The following TNFRSF8 variants were observed in gnomAD, a reference collection of about 807,000 sequenced individuals.
TNFRSF8 encodes the protein tumor necrosis factor receptor superfamily member 8.
TNFRSF8 carries 26 observed loss-of-function variants against 70.8 expected under a neutral mutation model. The ratio of observed to expected loss-of-function variants is 0.37; its 90% CI spans 0.27 to 0.51. The LOEUF (loss-of-function observed/expected upper bound fraction) is 0.51, where lower values mean the gene tolerates loss of function less well. Among genes scored for constraint, TNFRSF8 ranks in the 20% least tolerant of loss-of-function variants. The probability of loss-of-function intolerance (pLI) is 0.94; values close to 1 mark genes in which losing one functional copy is unlikely to be tolerated. For synonymous variants in TNFRSF8, 356 were observed against 339.2 expected (o/e 1.05, Z -0.54); for missense variants, 720 against 807.9 (o/e 0.89, Z 1.32).
intron 1 of TNFRSF8, chr1:12,080,176 T>C (rs1641039401): frequency 2.2e-6 from 1 of 463,780 alleles, no homozygotes; most frequent in Non-Finnish European, 4.3e-6. Context: ...CTTGAACTCC[T>C]GACCTCAGGT....
At chr1:12,085,352 C>T (rs1641136788) in intron 2 of TNFRSF8, among the ~76,000 whole-genome samples, 1 of 152,158 alleles carries the variant, frequency 6.6e-6, no homozygotes. Context: ...TCAGGTGATC[C>T]ACCCGCCTCA....
intron 1 of TNFRSF8, among the ~76,000 whole-genome samples, chr1:12,074,145 G>A (rs181418248): frequency 6.6e-6 from 1 of 152,130 alleles, no homozygotes; most frequent in African/African-American, 2.4e-5. Context: ...TGCTAAATTC[G>A]GACTCAAGGC....
chr1:12,123,985 GT>G (rs779622877), intron 10 of TNFRSF8, among the ~76,000 whole-genome samples, 158 bp downstream of exon 10: 27 of 152,310 alleles, frequency 1.8e-4, no homozygotes, highest in Non-Finnish European at 3.2e-4. Flanking sequence ...AGTTGGTGCT[GT>G]GGCTCTGGCA....
intron 10 of TNFRSF8, 23 bp from the exon 11 acceptor site, chr1:12,125,928 T>C: frequency 9.4e-6 from 15 of 1,600,086 alleles, no homozygotes; most frequent in Non-Finnish European, 1.2e-5. Context: ...AGGCAAAGAG[T>C]GTGGGGCGTC....
At chr1:12,106,699 G>A (rs867536499) in intron 4 of TNFRSF8, among the ~76,000 whole-genome samples, 1 of 152,102 alleles carries the variant, frequency 6.6e-6, no homozygotes, top group Non-Finnish European at 1.5e-5. Flanking sequence ...GCTCTGCTAA[G>A]GAATGATGGA....
chr1:12,067,895 C>CG (rs1310915654), intron 1 of TNFRSF8, among the ~76,000 whole-genome samples: 2,786 of 12,078 alleles, frequency 0.23, 119 homozygotes, highest in African/African-American at 0.42. Context: ...GCAAGGACGG[C>CG]GGGGGGGCGG....
chr1:12,091,744 G>A (rs1370701889), intron 2 of TNFRSF8, among the ~76,000 whole-genome samples: 4 of 152,160 alleles, frequency 2.6e-5, no homozygotes, highest in Non-Finnish European at 5.9e-5. Context: ...TAAACCAGTG[G>A]TCCCCAACCT....
chr1:12,114,077 G>A (rs369715957), intron 7 of TNFRSF8, among the ~76,000 whole-genome samples: 1 of 152,118 alleles, frequency 6.6e-6, no homozygotes, highest in Non-Finnish European at 1.5e-5. Flanking sequence ...GAAACCCCAC[G>A]AGGCAGTGGA....
At position 12,138,264 on chromosome 1, in the gene TNFRSF8, C is replaced by G; in HGVS notation, c.1371C>G (p.Val457=). 6.2e-7 allele frequency: 1 copy of G among 1,613,506 alleles called. No homozygotes were observed. Among genetic ancestry groups the G allele is most frequent in the South Asian group, 1.1e-5 (1 of 91,066 alleles). ...LRSGASVTEP[V]AEERGLMSQP... ...GTGGTGCGTCGGTGACAGAACCCGTCGCGGAAGAGCGAGGGTTAATGAGCC... is the reference window on the plus strand; with the variant it reads ...GTGGTGCGTCGGTGACAGAACCCGTGGCGGAAGAGCGAGGGTTAATGAGCC... The change falls in exon 14 of 15, where the codon GTC becomes GTG. Residue 457 remains valine, a synonymous_variant. Coordinates refer to ENST00000263932, the MANE Select transcript of TNFRSF8 (RefSeq NM_001243.5). This position sits in a 1 kb window ranked among gnomAD's most constrained non-coding sequence, Gnocchi z 5.7.
Position 12,123,837 on chromosome 1 carries a change from C to A in TNFRSF8, c.1153+10C>A. 6.4e-7 allele frequency: 1 copy of A among 1,552,914 alleles called. No homozygotes were observed. The highest frequency in any genetic ancestry group is 8.7e-7 in the Non-Finnish European group (1 of 1,146,980). ...CCCGTTCTGGATGCAGGTAATGGTCCCAGCCCACTCACCCCTACTCCCAGC... is the reference window on the plus strand; with the variant it reads ...CCCGTTCTGGATGCAGGTAATGGTCACAGCCCACTCACCCCTACTCCCAGC... On this transcript the variant is annotated intron_variant, in intron 10 of 14. Transcript: ENST00000263932.
intron 4 of TNFRSF8, among the ~76,000 whole-genome samples, 156 bp downstream of exon 4, chr1:12,104,687 G>C (rs1273734577): frequency 6.6e-6 from 1 of 152,226 alleles, no homozygotes; most frequent in East Asian, 1.9e-4. Flanking sequence ...GATGTACCCA[G>C]CACCCAGCCC....
Position 12,096,810 on chromosome 1 carries a change from T to C in TNFRSF8, c.152-291T>C, listed in dbSNP as rs116598010. Among the ~76,000 whole-genome samples, 416 of 152,042 alleles carry C rather than the reference T, an allele frequency of 2.7e-3. 1 individual carries two copies. Among genetic ancestry groups the C allele is most frequent in the African/African-American group, 9.3e-3 (386 of 41,414 alleles). On this transcript the variant is annotated intron_variant, in intron 2 of 14. Transcript: ENST00000263932. ...ACCCTCACACACACACACACACAAATAGTGCTGACAAGGTCATTATCACGC... is the reference window on the plus strand; with the variant it reads ...ACCCTCACACACACACACACACAAACAGTGCTGACAAGGTCATTATCACGC...
Position 12,076,831 on chromosome 1 carries a change from G to A in TNFRSF8, c.64-7633G>A, listed in dbSNP as rs1025948275. 5.9e-5 allele frequency among the ~76,000 whole-genome samples: 9 copies of A among 152,162 alleles called. No homozygotes were observed. The East Asian group carries it at 9.6e-4, about 16-fold the overall frequency. On this transcript the variant is annotated intron_variant, in intron 1 of 14. Transcript: ENST00000263932. ...CTGAGTGTGGAGAGAGGGGTTCAGA[G>A]TCCTACAGTTAGGAGGTGACTACTG... is the stretch of plus-strand genomic sequence containing the variant.
chr1:12,134,900 G>A (rs1642116617), intron 12 of TNFRSF8, among the ~76,000 whole-genome samples: 1 of 152,176 alleles, frequency 6.6e-6, no homozygotes, highest in South Asian at 2.1e-4. Context: ...ACGAGCCTCT[G>A]ACCCAGTGGA....
In TNFRSF8 at chr1:12,110,129, G is replaced by A. The variant is rs761583211; in HGVS notation, c.601G>A (p.Ala201Thr). 47 of 1,613,638 alleles carry A rather than the reference G, an allele frequency of 2.9e-5. No individual in the cohort carries two copies. The highest frequency in any genetic ancestry group is 3.6e-5 in the Non-Finnish European group (43 of 1,179,836). ...TMPVRGGTRL[A>T]QEAASKLTRA... ...GCCTGTAAGAGGGGGCACCCGCCTC[G>A]CCCAGGAAGCTGCTTCTAAACTGAC... Residue 201 changes from alanine to threonine, a missense_variant, in exon 6 of 15, where the codon GCC becomes ACC. By Grantham distance (58) the Ala-to-Thr change is moderately conservative. Coordinates refer to ENST00000263932, the MANE Select transcript of TNFRSF8 (RefSeq NM_001243.5). This position sits in a 1 kb window ranked among gnomAD's most constrained non-coding sequence, Gnocchi z 4.0.
intron 2 of TNFRSF8, among the ~76,000 whole-genome samples, chr1:12,087,857 C>T (rs1019333917): frequency 2.6e-5 from 4 of 152,332 alleles, no homozygotes; most frequent in Middle Eastern, 3.4e-3. Context: ...CTCCCTCCTC[C>T]CCACTTCCCC....
At position 12,123,364 on chromosome 1, in the gene TNFRSF8, G is replaced by T. The variant is rs370973053; in HGVS notation, c.1027G>T (p.Glu343Ter). ...CTGCAACCCCACCCCAGAGAATGGC[G>T]AGGCGCCTGCCAGGTGACTCCCCCA... ...PDCNPTPENG[E>*]APASTSPTQS... The change falls in exon 9 of 15, where the codon GAG becomes TAG. Residue 343 changes from glutamate to a stop codon, truncating the protein, a stop_gained. Coordinates refer to ENST00000263932, the MANE Select transcript of TNFRSF8 (RefSeq NM_001243.5). LOFTEE classifies it high-confidence loss of function. The T allele has an allele frequency of 6.2e-7, 1 of 1,610,310 alleles. No individual in the cohort carries two copies. Among genetic ancestry groups the T allele is most frequent in the Non-Finnish European group, 8.5e-7 (1 of 1,178,554 alleles).
chr1:12,100,425 A>T (rs1641402057), intron 3 of TNFRSF8, among the ~76,000 whole-genome samples: 1 of 149,302 alleles, frequency 6.7e-6, no homozygotes, highest in African/African-American at 2.6e-5. Flanking sequence ...TATAAACTTT[A>T]ACTTTTTAAA....
In TNFRSF8 at chr1:12,119,879, C is replaced by T. The variant is rs1641797605; in HGVS notation, c.947-3405C>T. 6.6e-6 allele frequency among the ~76,000 whole-genome samples: 1 copy of T among 152,118 alleles called. No individual in the cohort carries two copies. Among genetic ancestry groups the T allele is most frequent in the African/African-American group, 2.4e-5 (1 of 41,420 alleles). ...CACATAGTCAGAATGTTTTTGAGGA[C>T]TAGTCAAAGCTGGATACCTCTGGTC... is the stretch of plus-strand genomic sequence containing the variant. On this transcript the variant is annotated intron_variant, in intron 8 of 14. Coordinates refer to ENST00000263932, the MANE Select transcript of TNFRSF8 (RefSeq NM_001243.5). This position sits in a 1 kb window ranked among gnomAD's most constrained non-coding sequence, Gnocchi z 4.4.
Sources: gnomAD v4.1 joint callset for allele counts (sites outside exome capture counted in the v4.1 genomes callset) on GRCh38, gnomAD v4.1.1 for gene constraint, Gnocchi (gnomAD v3.1) non-coding constraint, MANE v1.5 for transcripts, NCBI Gene and HGNC (gene_info 2026-07-23, HGNC 2026-07-21) for gene names.